The following CYLD variants were observed in gnomAD, a reference collection of about 807,000 sequenced individuals.
CYLD encodes ubiquitin carboxyl-terminal hydrolase CYLD.
A neutral mutation model predicts 104.5 loss-of-function variants in CYLD; 26 were observed. That is an observed-to-expected ratio of 0.25 (90% CI 0.18 to 0.35). CYLD has a LOEUF of 0.35. CYLD is among the 10% of genes least tolerant of loss of function. The pLI, the probability that CYLD is intolerant of heterozygous loss-of-function variation, is 1.00. For synonymous variants in CYLD, 385 were observed against 399.9 expected (o/e 0.96, Z 0.45); for missense variants, 703 against 1,136.1 (o/e 0.62, Z 5.48).
chr16:50,755,111 A>G lies in CYLD; in HGVS notation c.913+687A>G, dbSNP rs192548046. On this transcript the variant is annotated intron_variant, in intron 5 of 18. Coordinates refer to ENST00000427738, the MANE Select transcript of CYLD (RefSeq NM_001378743.1). ...CATATATACATACATATATACACAC[A>G]TATACACATGTGTATATATACACAC... 8.6e-5 allele frequency among the ~76,000 whole-genome samples: 11 copies of G among 127,538 alleles called. No individual in the cohort carries two copies. In the East Asian group the frequency reaches 1.5e-3, roughly 17 times the overall value. 83.7% of individuals were successfully genotyped at this position (127,538 alleles called of 152,430 possible).
In CYLD at chr16:50,797,807, A is replaced by G. The variant is rs1264951954; in HGVS notation, c.*1299A>G. On this transcript the variant is annotated 3_prime_UTR_variant, in exon 19 of 19. Transcript: ENST00000427738. Reference sequence around the variant, plus strand: ...ACAAAAAGTGGAAAGAATCTTTACAAACCCTGCAATTACTTTTTTAAAGGC... The same window carrying G: ...ACAAAAAGTGGAAAGAATCTTTACAGACCCTGCAATTACTTTTTTAAAGGC... 1 of 232,636 alleles carries G rather than the reference A, an allele frequency of 4.3e-6. No individual in the cohort carries two copies. The highest frequency in any genetic ancestry group is 8.5e-6 in the Non-Finnish European group (1 of 117,742). The allele number at this position is 232,636 out of a possible 1,614,324, so 14.4% of individuals were successfully genotyped here.
intron 12 of CYLD, 48 bp from the exon 13 acceptor site, chr16:50,786,807 A>G (rs1479600033): frequency 3.1e-6 from 4 of 1,289,548 alleles, no homozygotes; most frequent in Non-Finnish European, 4.5e-6. Flanking sequence ...GATGTGTTAT[A>G]TAATTTAATA....
At chr16:50,775,033 A>T in intron 5 of CYLD, 133 bp from the exon 6 acceptor site, 1 of 714,510 alleles carries the variant, frequency 1.4e-6, no homozygotes, top group Non-Finnish European at 2.4e-6. Context: ...GTATTTACAT[A>T]TAATTCATTT....
chr16:50,776,851 C>T (rs189019949), intron 7 of CYLD, among the ~76,000 whole-genome samples: 14 of 152,168 alleles, frequency 9.2e-5, no homozygotes, highest in Non-Finnish European at 1.8e-4. Flanking sequence ...AACTCAGATG[C>T]GAGTTAGGAA....
chr16:50,746,387 G>A (rs917832501), intron 2 of CYLD, among the ~76,000 whole-genome samples: 1 of 152,144 alleles, frequency 6.6e-6, no homozygotes, highest in Non-Finnish European at 1.5e-5. Context: ...CTCTAGACTC[G>A]AGCCGTAAAG....
At chr16:50,761,621 A>G (rs1967933377) in intron 5 of CYLD, among the ~76,000 whole-genome samples, 1 of 152,188 alleles carries the variant, frequency 6.6e-6, no homozygotes, top group South Asian at 2.1e-4. Context: ...TGCAGGATTT[A>G]TAAAATTTTT....
intron 8 of CYLD, 198 bp downstream of exon 8, chr16:50,778,139 T>G (rs1969870832): frequency 1.9e-6 from 1 of 521,180 alleles, no homozygotes; most frequent in Non-Finnish European, 3.4e-6. Flanking sequence ...AAGAAATGTA[T>G]TAGTAATTTG....
At chr16:50,742,509 T>G (rs1207733552) in intron 1 of CYLD, 3 of 318,704 alleles carry the variant, frequency 9.4e-6, no homozygotes, top group African/African-American at 6.4e-5. Context: ...GAGAGAGGAC[T>G]TGGGGCGGGA....
chr16:50,789,409 A>C (rs1971199465), intron 14 of CYLD, among the ~76,000 whole-genome samples: 1 of 152,210 alleles, frequency 6.6e-6, no homozygotes, highest in African/African-American at 2.4e-5. Context: ...CACTTATGGA[A>C]TGTAATACAC....
Position 50,794,959 on chromosome 16 carries a change from A to T in CYLD, c.2686+531A>T, listed in dbSNP as rs1180107701. On this transcript the variant is annotated intron_variant, in intron 18 of 18. Transcript: ENST00000427738. The surrounding 1 kb of genome is among the most constrained non-coding windows in gnomAD (Gnocchi z 4.1). ...TTTGACATGCATATGCTCTTTTTTT[A>T]AAAAAAAGAATCCTAAAATTCTTAT... is the stretch of plus-strand genomic sequence containing the variant. 3 of 164,760 alleles carry T rather than the reference A, an allele frequency of 1.8e-5. No homozygotes were observed. Among genetic ancestry groups the T allele is most frequent in the Admixed American group, 5.7e-5 (1 of 17,398 alleles). The allele number at this position is 164,760 out of a possible 1,614,324, so 10.2% of individuals were successfully genotyped here. A position where few individuals can be genotyped will look rare whatever the true frequency, so the allele number is the denominator to read the frequency against.
At chr16:50,749,216 A>G (rs1353544544) in intron 2 of CYLD, among the ~76,000 whole-genome samples, 2 of 152,222 alleles carry the variant, frequency 1.3e-5, no homozygotes, top group East Asian at 3.8e-4. Flanking sequence ...ACAAATAAAT[A>G]AAAATAAATT....
At chr16:50,763,566 AGTGGGAATGAAGTCATTTTCAAT>A (rs1432474933) in intron 5 of CYLD, among the ~76,000 whole-genome samples, 4 of 152,134 alleles carry the variant, frequency 2.6e-5, no homozygotes, top group Non-Finnish European at 5.9e-5. Context: ...TAGCCATCCT[AGTGGGAATGAAGTCATTTTCAAT>A]TGACTTTCGT....
Position 50,799,040 on chromosome 16 carries a change from G to T in CYLD, c.*2532G>T. 1 of 233,454 alleles carries T rather than the reference G, an allele frequency of 4.3e-6. No individual in the cohort carries two copies. The highest frequency in any genetic ancestry group is 6.0e-5 in the East Asian group (1 of 16,720). The allele number at this position is 233,454 out of a possible 1,614,324, so 14.5% of individuals were successfully genotyped here. On this transcript the variant is annotated 3_prime_UTR_variant, in exon 19 of 19. Coordinates refer to ENST00000427738, the MANE Select transcript of CYLD (RefSeq NM_001378743.1). ...TTCAGCACAGCCTGGTTTGTCAAGA[G>T]GCACATAGTTGGGGCTGGGCTGCAT...
intron 5 of CYLD, among the ~76,000 whole-genome samples, chr16:50,762,289 T>C (rs1024749110): frequency 4.6e-5 from 7 of 152,258 alleles, no homozygotes; most frequent in African/African-American, 1.7e-4. Flanking sequence ...TGTTCTATAC[T>C]GTTTTCAAAA....
chr16:50,764,234 T>C (rs1264819476), intron 5 of CYLD, among the ~76,000 whole-genome samples: 1 of 152,208 alleles, frequency 6.6e-6, no homozygotes, highest in African/African-American at 2.4e-5. Flanking sequence ...GAAAGGTTTC[T>C]TTTATTTTGT....
chr16:50,766,517 A>G (rs112169632), intron 5 of CYLD, among the ~76,000 whole-genome samples: 1 of 152,160 alleles, frequency 6.6e-6, no homozygotes, highest in Non-Finnish European at 1.5e-5. Flanking sequence ...TTCTATTTGC[A>G]AGTTTTATTT....
intron 1 of CYLD, chr16:50,742,412 A>C (rs912188558): frequency 8.5e-5 from 14 of 164,080 alleles, no homozygotes; most frequent in African/African-American, 2.2e-4. Flanking sequence ...TCCCCCCCCC[A>C]CCGGGGCTTC....
intron 2 of CYLD, among the ~76,000 whole-genome samples, chr16:50,746,441 A>G (rs1463526220): frequency 6.6e-6 from 1 of 152,224 alleles, no homozygotes; most frequent in African/African-American, 2.4e-5. Context: ...AAGAGAATCA[A>G]TTTTTAATAA....
Position 50,781,284 on chromosome 16 carries a change from A to G in CYLD, c.1557A>G (p.Arg519=). 6.2e-7 allele frequency: 1 copy of G among 1,613,974 alleles called. No homozygotes were observed. Among genetic ancestry groups the G allele is most frequent in the Non-Finnish European group, 8.5e-7 (1 of 1,179,864 alleles). The change falls in exon 10 of 19, where the codon AGA becomes AGG. Residue 519 remains arginine (R), a synonymous_variant. Transcript: ENST00000427738. The part of the protein sequence containing the change: ...ECAGCTDGTF[R]GTRYFTCALK... ...CAGGCTGTACGGATGGAACCTTCAG[A>G]GGCACTCGGTATTTCACCTGTGCCC...
Sources: allele counts gnomAD v4.1 joint callset (sites outside exome capture counted in the v4.1 genomes callset), GRCh38; gene constraint gnomAD v4.1.1; non-coding constraint Gnocchi (gnomAD v3.1); transcripts MANE v1.5; gene names NCBI Gene and HGNC (gene_info 2026-07-23, HGNC 2026-07-21).